The following ATP10B variants were observed in gnomAD, a reference collection of about 807,000 sequenced individuals.
The protein encoded by ATP10B is phospholipid-transporting ATPase VB.
ATP10B carries 122 observed loss-of-function variants against 141.2 expected under a neutral mutation model. The observed-to-expected ratio is 0.86, with a 90% CI of 0.75 to 1.00. The LOEUF is 1.00. ATP10B is among the 50% of genes least tolerant of loss of function. The pLI, the probability that ATP10B is intolerant of heterozygous loss-of-function variation, is 0.00. For missense variants in ATP10B, 1,876 were observed against 1,825.3 expected (o/e 1.03, Z -0.51); for synonymous variants, 685 against 692.0 (o/e 0.99, Z 0.16).
chr5:160,758,371 AC>A (rs575376474), intron 2 of ATP10B, among the ~76,000 whole-genome samples: 24 of 152,320 alleles, frequency 1.6e-4, no homozygotes, highest in African/African-American at 5.5e-4. Context: ...AGCATGTAGC[AC>A]ATACTACATA....
intron 1 of ATP10B, among the ~76,000 whole-genome samples, chr5:160,828,633 G>A (rs1774816429): frequency 6.6e-6 from 1 of 151,530 alleles, no homozygotes; most frequent in Admixed American, 6.6e-5. Context: ...TTCAACCATT[G>A]TGGAAGTCAG....
intron 24 of ATP10B, among the ~76,000 whole-genome samples, chr5:160,570,014 CTTT>C (rs921036999): frequency 1.3e-5 from 2 of 151,920 alleles, no homozygotes; most frequent in Non-Finnish European, 2.9e-5. Flanking sequence ...TTTCGTATGA[CTTT>C]TTGTTTTTTT....
intron 1 of ATP10B, among the ~76,000 whole-genome samples, chr5:160,825,117 C>A (rs1774480510): frequency 6.6e-6 from 1 of 152,248 alleles, no homozygotes; most frequent in East Asian, 1.9e-4. Context: ...CTCTCTACCC[C>A]ACTCTGCTGT....
the ATP10B span, among the ~76,000 whole-genome samples, chr5:160,870,044 G>A: frequency 6.6e-6 from 1 of 152,122 alleles, no homozygotes; most frequent in African/African-American, 2.4e-5. Flanking sequence ...TAAACTGTTG[G>A]AATATGATCA....
At chr5:160,889,260 G>A in the ATP10B span, among the ~76,000 whole-genome samples, 6 of 152,236 alleles carry the variant, frequency 3.9e-5, no homozygotes, top group Admixed American at 6.5e-5. Context: ...TTTGACATAC[G>A]AGGGTTTAAC....
At chr5:160,616,054 C>T in intron 16 of ATP10B, 90 bp from the exon 17 acceptor site, 1 of 1,440,244 alleles carries the variant, frequency 6.9e-7, no homozygotes, top group Non-Finnish European at 9.3e-7. Flanking sequence ...CTCCTATTGG[C>T]CTGTTTGAAC....
intron 24 of ATP10B, among the ~76,000 whole-genome samples, chr5:160,586,854 C>T (rs1755941171): frequency 6.6e-6 from 1 of 152,118 alleles, no homozygotes; most frequent in South Asian, 2.1e-4. Flanking sequence ...CTTGTAGATT[C>T]TAGATATTAG....
chr5:160,632,037 G>T (rs2127662233), intron 13 of ATP10B, 92 bp downstream of exon 13: 1 of 1,198,454 alleles, frequency 8.3e-7, no homozygotes. Context: ...GCTCTTCAGG[G>T]TTTGTACAAT....
chr5:160,603,397 G>T (rs1757207194), intron 20 of ATP10B: 1 of 154,776 alleles, frequency 6.5e-6, no homozygotes, highest in Non-Finnish European at 1.4e-5. Context: ...GGTCGCATGT[G>T]GCCCAGGATG....
At chr5:160,660,964 A>G (rs1355853674) in intron 7 of ATP10B, among the ~76,000 whole-genome samples, 1 of 152,342 alleles carries the variant, frequency 6.6e-6, no homozygotes, top group African/African-American at 2.4e-5. Flanking sequence ...AGGTGGGCGG[A>G]TCAACTGAGG....
chr5:160,761,387 TTCGCCAGCACCAGCCTACA>T (rs1309170705), intron 2 of ATP10B, among the ~76,000 whole-genome samples: 1 of 26,582 alleles, frequency 3.8e-5, no homozygotes, highest in African/African-American at 2.8e-4. Flanking sequence ...TTTGTAGACA[TTCGCCAGCACCAGCCTACA>T]TTCGCCAGCA....
At chr5:160,694,928 G>C (rs1280493741) in intron 3 of ATP10B, among the ~76,000 whole-genome samples, 1 of 152,146 alleles carries the variant, frequency 6.6e-6, no homozygotes, top group African/African-American at 2.4e-5. Context: ...CTTTATTTTT[G>C]GTTCTAAAAT....
chr5:160,738,247 A>C (rs548061564), intron 2 of ATP10B, among the ~76,000 whole-genome samples: 1 of 152,174 alleles, frequency 6.6e-6, no homozygotes, highest in African/African-American at 2.4e-5. Flanking sequence ...TAAAATAAAC[A>C]TCAAAATTTG....
the ATP10B span, among the ~76,000 whole-genome samples, chr5:160,879,694 C>A: frequency 1.3e-5 from 2 of 151,838 alleles, no homozygotes; most frequent in Non-Finnish European, 2.9e-5. Context: ...AAAAATTAGC[C>A]GGGCGTGGTA....
chr5:160,739,827 A>T (rs967112443), intron 2 of ATP10B, among the ~76,000 whole-genome samples: 2 of 146,730 alleles, frequency 1.4e-5, no homozygotes, highest in Admixed American at 1.4e-4. Context: ...TTTGTTTTTT[A>T]AAATTGTATT....
chr5:160,678,978 A>G (rs142755971), intron 6 of ATP10B, among the ~76,000 whole-genome samples: 135 of 152,362 alleles, frequency 8.9e-4, no homozygotes, highest in Admixed American at 7.8e-4. Flanking sequence ...AAGCCCTCTT[A>G]TATGTCATCT....
chr5:160,700,698 A>G (rs1008976557), intron 3 of ATP10B, among the ~76,000 whole-genome samples: 4 of 152,094 alleles, frequency 2.6e-5, no homozygotes, highest in African/African-American at 9.7e-5. Flanking sequence ...TTCCTCTTTT[A>G]TTAGATTAAT....
chr5:160,676,832 CTTTTAT>C (rs1763059736), intron 6 of ATP10B, among the ~76,000 whole-genome samples: 1 of 152,152 alleles, frequency 6.6e-6, no homozygotes, highest in Non-Finnish European at 1.5e-5. Context: ...AATGGAATAG[CTTTTAT>C]TTTTATCATT....
chr5:160,700,884 GC>G (rs1200677634), intron 3 of ATP10B, among the ~76,000 whole-genome samples: 1 of 151,978 alleles, frequency 6.6e-6, no homozygotes, highest in Admixed American at 6.6e-5. Flanking sequence ...ATCTGCACTT[GC>G]CCCCTATTAC....
Sources: allele counts gnomAD v4.1 joint callset (sites outside exome capture counted in the v4.1 genomes callset), GRCh38; gene constraint gnomAD v4.1.1; transcripts MANE v1.5; gene names NCBI Gene and HGNC (gene_info 2026-07-23, HGNC 2026-07-21).